Variants in GK5 observed in about 807,000 individuals in gnomAD.
GK5 encodes the protein glycerol kinase 5.
Under a neutral mutation model 77.3 loss-of-function variants are expected in GK5, and 39 were observed. That is an observed-to-expected ratio of 0.50 (90% confidence interval 0.39 to 0.66). The LOEUF is 0.66. Among genes scored for constraint, GK5 ranks in the 30% least tolerant of loss-of-function variants. The probability of loss-of-function intolerance (pLI) is 0.00; values close to 1 mark genes in which losing one functional copy is unlikely to be tolerated. For missense variants in GK5, 487 were observed against 633.8 expected (o/e 0.77, Z 2.49); for synonymous variants, 211 against 208.0 (o/e 1.01, Z -0.13).
intron 3 of GK5, among the ~76,000 whole-genome samples, chr3:142,205,836 C>A (rs946563846): frequency 6.6e-6 from 1 of 152,124 alleles, no homozygotes; most frequent in Non-Finnish European, 1.5e-5. Flanking sequence ...CGTTGTGCAA[C>A]CATCACCACT....
At chr3:142,190,789 G>T (rs987882625) in intron 5 of GK5, among the ~76,000 whole-genome samples, 9 of 151,964 alleles carry the variant, frequency 5.9e-5, no homozygotes, top group Non-Finnish European at 1.3e-4. Context: ...ACAAGAAAAA[G>T]AATTAATGAT....
At chr3:142,191,990 T>C (rs1475843850) in intron 5 of GK5, among the ~76,000 whole-genome samples, 2 of 152,084 alleles carry the variant, frequency 1.3e-5, no homozygotes, top group African/African-American at 4.8e-5. Context: ...AGAGCAAGAA[T>C]CTGTCTCAAA....
rs374607411 is a variant in GK5 at position 142,170,452 on chromosome 3, A to G, written c.1314T>C (p.Asp438=). 6 of 1,611,926 alleles carry G rather than the reference A, an allele frequency of 3.7e-6. No individual in the cohort carries two copies. Among genetic ancestry groups the G allele is most frequent in the Non-Finnish European group, 5.1e-6 (6 of 1,178,152 alleles). Residue 438 remains aspartate, a synonymous_variant, in exon 15 of 16, where the codon GAT becomes GAC. Transcript: ENST00000392993. The stretch of plus-strand genomic sequence containing the variant: ...CAAAACCATTCTTACAAACTCCTCC[A>G]TCTGCCCTGTGGGGAACAAAATATG... ...IHIPVRKIRA[D]GGVCKNGFVM... is the part of the protein sequence containing the mutation.
Position 142,187,687 on chromosome 3 carries a change from T to G in GK5, c.619+17A>C. The G allele has an allele frequency of 6.4e-7, 1 of 1,564,478 alleles. No homozygotes were observed. The highest frequency in any genetic ancestry group is 8.8e-7 in the Non-Finnish European group (1 of 1,140,358). On this transcript the variant is annotated intron_variant, in intron 6 of 15. Transcript: ENST00000392993. The stretch of plus-strand genomic sequence containing the variant: ...AAATTTCGGTTATTTAAAATAGATC[T>G]TTCAGGTCATCTTTACCTTTTGTGA...
In GK5 at chr3:142,225,549, C is replaced by A. The variant is rs188464445; in HGVS notation, c.-94G>T. On this transcript the variant is annotated 5_prime_UTR_variant, in exon 1 of 16. Transcript: ENST00000392993. ...GAGTCCCCGGGCGGCCCAACCCGGG[C>A]CCCAACCCGGCTCAGCCGGAGAGCC... is the stretch of plus-strand genomic sequence containing the variant. 9.1e-3 allele frequency: 13,201 copies of A among 1,452,794 alleles called. 88 individuals are homozygous for A. Among genetic ancestry groups the A allele is most frequent in the Non-Finnish European group, 0.011 (11,816 of 1,090,850 alleles). The allele number at this position is 1,452,794 out of a possible 1,614,324, so 90.0% of individuals were successfully genotyped here. A position where few individuals can be genotyped will look rare whatever the true frequency, so the allele number is the denominator to read the frequency against.
At chr3:142,201,199 G>C (rs2064016116) in intron 4 of GK5, among the ~76,000 whole-genome samples, 1 of 152,098 alleles carries the variant, frequency 6.6e-6, no homozygotes, top group Non-Finnish European at 1.5e-5. Context: ...AGCTTTATTT[G>C]TAATAGCCAA....
At chr3:142,183,134 C>A in intron 9 of GK5, 85 bp from the exon 10 acceptor site, 2 of 1,138,524 alleles carry the variant, frequency 1.8e-6, no homozygotes, top group South Asian at 1.6e-5. Context: ...ATTGTACTCT[C>A]ATGATTAAAC....
chr3:142,181,381 C>A, intron 11 of GK5, 80 bp downstream of exon 11: 1 of 715,632 alleles, frequency 1.4e-6, no homozygotes, highest in Admixed American at 2.7e-5. Context: ...AATCCATTTG[C>A]TTCCTACTAA....
chr3:142,166,677 G>A (rs1322194165), intron 15 of GK5, among the ~76,000 whole-genome samples: 1 of 152,120 alleles, frequency 6.6e-6, no homozygotes, highest in Admixed American at 6.6e-5. Flanking sequence ...CGGACCATAG[G>A]CACGTGCCAC....
Position 142,162,083 on chromosome 3 carries a change from A to C in GK5, c.*3539T>G, listed in dbSNP as rs1191822155. ...CCAAAGTGCTAGGATTACAGGTGTG[A>C]GCCACTGTGCCCAGCTGAGATTTAT... On this transcript the variant is annotated 3_prime_UTR_variant, in exon 16 of 16. Coordinates refer to ENST00000392993, the MANE Select transcript of GK5 (RefSeq NM_001039547.3). 1.2e-4 allele frequency: 18 copies of C among 152,240 alleles called. No individual in the cohort carries two copies. Among genetic ancestry groups the C allele is most frequent in the Admixed American group, 1.2e-3 (18 of 15,282 alleles). The allele number at this position is 152,240 out of a possible 1,614,324, so 9.4% of individuals were successfully genotyped here.
chr3:142,186,086 T>A, intron 8 of GK5, 97 bp from the exon 9 acceptor site: 1 of 1,169,428 alleles, frequency 8.6e-7, no homozygotes, highest in African/African-American at 1.5e-5. Context: ...AAAAGTTACA[T>A]AATGAACATA....
At chr3:142,210,265 A>G (rs966693267) in intron 3 of GK5, among the ~76,000 whole-genome samples, 2 of 152,250 alleles carry the variant, frequency 1.3e-5, no homozygotes, top group East Asian at 3.9e-4. Context: ...ATGCAGGAGG[A>G]AAAAAACAAC....
intron 4 of GK5, among the ~76,000 whole-genome samples, chr3:142,202,167 C>T (rs575305322): frequency 1.4e-4 from 22 of 152,166 alleles, no homozygotes; most frequent in African/African-American, 5.3e-4. Flanking sequence ...AGGAGGTGGT[C>T]AGAAGTGTAG....
chr3:142,187,511 G>A (rs190560370), intron 6 of GK5, among the ~76,000 whole-genome samples, 193 bp downstream of exon 6: 15 of 151,946 alleles, frequency 9.9e-5, no homozygotes, highest in Admixed American at 2.0e-4. Flanking sequence ...GGGCTGAAGC[G>A]GGAGGATCGC....
chr3:142,175,110 G>T (rs1446208384), intron 12 of GK5, among the ~76,000 whole-genome samples: 1 of 152,190 alleles, frequency 6.6e-6, no homozygotes, highest in South Asian at 2.1e-4. Flanking sequence ...GTCCTCAAGA[G>T]TATGTGGACA....
intron 12 of GK5, 66 bp downstream of exon 12, chr3:142,177,416 A>G (rs2063631071): frequency 3.5e-6 from 3 of 861,688 alleles, no homozygotes; most frequent in African/African-American, 3.4e-5. Context: ...TGGTAGATAT[A>G]TAAGTTTGGA....
At position 142,225,490 on chromosome 3, in the gene GK5, ACC is replaced by A; in HGVS notation, c.-37_-36del. The A allele has an allele frequency of 6.3e-7, 1 of 1,590,302 alleles. No homozygotes were observed. Among genetic ancestry groups the A allele is most frequent in the Non-Finnish European group, 8.5e-7 (1 of 1,174,812 alleles). On this transcript the variant is annotated 5_prime_UTR_variant, in exon 1 of 16. Transcript: ENST00000392993. ...GCACGCCTCTCCGCTACAGCCGCCT[ACC>A]CAGAGGGCGCGCTACAAATCCCAAT...
At chr3:142,210,924 T>G (rs1049363607) in intron 3 of GK5, among the ~76,000 whole-genome samples, 1 of 152,250 alleles carries the variant, frequency 6.6e-6, no homozygotes, top group African/African-American at 2.4e-5. Flanking sequence ...CTGAGAATAC[T>G]CCTCCCTCCA....
At chr3:142,187,891 A>G (rs148070487) in intron 5 of GK5, 112 bp from the exon 6 acceptor site, 239 of 700,278 alleles carry the variant, frequency 3.4e-4, no homozygotes, top group Non-Finnish European at 5.1e-4. Flanking sequence ...ATTAATATGT[A>G]CACAAAAACA....
Sources: gnomAD v4.1 joint callset for allele counts (sites outside exome capture counted in the v4.1 genomes callset) on GRCh38, gnomAD v4.1.1 for gene constraint, MANE v1.5 for transcripts, NCBI Gene and HGNC (gene_info 2026-07-23, HGNC 2026-07-21) for gene names.